Variants in DGKG observed in about 807,000 individuals in gnomAD.
DGKG encodes the protein diacylglycerol kinase gamma, also known as DAG kinase gamma.
DGKG carries 78 observed loss-of-function variants against 105.3 expected under a neutral mutation model. The observed-to-expected ratio is 0.74, with a 90% CI of 0.62 to 0.89. The LOEUF (loss-of-function observed/expected upper bound fraction) is 0.89, where lower values mean the gene tolerates loss of function less well. Ranked by LOEUF, DGKG falls within the 40% of genes least tolerant of loss-of-function variation. The probability of loss-of-function intolerance (pLI) is 0.00; values close to 1 mark genes in which losing one functional copy is unlikely to be tolerated. For synonymous variants in DGKG, 346 were observed against 367.1 expected (o/e 0.94, Z 0.66); for missense variants, 958 against 1,020.1 (o/e 0.94, Z 0.83).
chr3:186,159,505 G>T (rs1452179526), intron 24 of DGKG: 1 of 151,968 alleles, frequency 6.6e-6, no homozygotes, highest in African/African-American at 2.4e-5. Context: ...ATGATTTTTT[G>T]CCATTTGCAT....
rs1721306452 is a variant in DGKG, at chr3:186,253,178, C to T, written c.1515G>A (p.Lys505=). The stretch of plus-strand genomic sequence containing the variant: ...CTGGTGGATGCTTTGCAAAGTTGGC[C>T]TTATCTGCAAGACACACAGAGGAAC... The part of the protein sequence containing the change: ...TVGWILDCID[K]ANFAKHPPVA... The change falls in exon 18 of 25, where the codon AAG becomes AAA. Residue 505 remains lysine, a synonymous_variant. Coordinates refer to ENST00000265022, the MANE Select transcript of DGKG (RefSeq NM_001346.3). 1 of 1,613,950 alleles carries T rather than the reference C, an allele frequency of 6.2e-7. No individual in the cohort carries two copies. The highest frequency in any genetic ancestry group is 1.7e-5 in the Admixed American group (1 of 60,018).
At chr3:186,336,257 C>G (rs1725828861) in intron 1 of DGKG, among the ~76,000 whole-genome samples, 1 of 152,156 alleles carries the variant, frequency 6.6e-6, no homozygotes, top group South Asian at 2.1e-4. Flanking sequence ...CAAGCGTACT[C>G]CCTAATAAAA....
chr3:186,209,150 G>C (rs1429893660), intron 21 of DGKG, among the ~76,000 whole-genome samples: 1 of 140,584 alleles, frequency 7.1e-6, no homozygotes, highest in Non-Finnish European at 1.5e-5. Flanking sequence ...GCGCAGGCTG[G>C]AGTGCAGTGG....
chr3:186,360,522 A>G (rs1364654821), intron 1 of DGKG, among the ~76,000 whole-genome samples: 1 of 152,076 alleles, frequency 6.6e-6, no homozygotes, highest in African/African-American at 2.4e-5. Context: ...TTTTAATATG[A>G]CAAACAGTTA....
At chr3:186,245,709 C>G (rs183077222) in intron 19 of DGKG, among the ~76,000 whole-genome samples, 10 of 152,290 alleles carry the variant, frequency 6.6e-5, no homozygotes, top group Admixed American at 5.2e-4. Flanking sequence ...CATAGAGCCT[C>G]TTTCCTGAAC....
intron 19 of DGKG, among the ~76,000 whole-genome samples, chr3:186,248,436 T>C (rs1268569540): frequency 6.6e-6 from 1 of 152,238 alleles, no homozygotes; most frequent in Non-Finnish European, 1.5e-5. Flanking sequence ...CCGGCTTCCA[T>C]GCCAGCGAAG....
At chr3:186,348,600 C>T (rs1578866336) in intron 1 of DGKG, among the ~76,000 whole-genome samples, 1 of 151,812 alleles carries the variant, frequency 6.6e-6, no homozygotes, top group Non-Finnish European at 1.5e-5. Flanking sequence ...TCCAGGTGAA[C>T]ATCACCATTC....
chr3:186,263,885 A>G (rs976192081), intron 14 of DGKG, among the ~76,000 whole-genome samples: 121 of 152,312 alleles, frequency 7.9e-4, no homozygotes, highest in African/African-American at 2.8e-3. Context: ...TCCAGATCTC[A>G]AGCTAAAAGT....
At chr3:186,317,914 C>T (rs1578827217) in intron 2 of DGKG, among the ~76,000 whole-genome samples, 1 of 152,146 alleles carries the variant, frequency 6.6e-6, no homozygotes, top group East Asian at 1.9e-4. Context: ...AATCAACAAT[C>T]CCAAACATTC....
chr3:186,160,980 A>C, intron 24 of DGKG: 1 of 985,496 alleles, frequency 1.0e-6, no homozygotes, highest in Non-Finnish European at 1.2e-6. Flanking sequence ...TGCAACTATT[A>C]CAAACCAGGC....
intron 22 of DGKG, among the ~76,000 whole-genome samples, chr3:186,168,665 G>A (rs1401679739): frequency 6.6e-6 from 1 of 152,026 alleles, no homozygotes; most frequent in Non-Finnish European, 1.5e-5. Context: ...TGGCCAACAC[G>A]GTGAAACCCC....
intron 21 of DGKG, among the ~76,000 whole-genome samples, chr3:186,197,051 T>C (rs1718214500): frequency 6.6e-6 from 1 of 151,960 alleles, no homozygotes; most frequent in Non-Finnish European, 1.5e-5. Flanking sequence ...GGATGGGAAG[T>C]AGATAGAGGG....
chr3:186,201,286 C>T (rs1718447555), intron 21 of DGKG, among the ~76,000 whole-genome samples: 1 of 152,032 alleles, frequency 6.6e-6, no homozygotes, highest in Admixed American at 6.5e-5. Flanking sequence ...TCACACTTTC[C>T]TGCAGACAAA....
chr3:186,263,492 G>A (rs1249257481), intron 14 of DGKG, among the ~76,000 whole-genome samples: 2 of 151,994 alleles, frequency 1.3e-5, no homozygotes, highest in African/African-American at 2.4e-5. Flanking sequence ...GCTTGAACCC[G>A]GGAGGCAAAG....
At chr3:186,247,977 TTTCCTTCCTTCCTCCCTTCCTTCC>T (rs1390343950) in intron 19 of DGKG, among the ~76,000 whole-genome samples, 8 of 152,022 alleles carry the variant, frequency 5.3e-5, no homozygotes, top group African/African-American at 1.9e-4. Flanking sequence ...TCCTTCCTTC[TTTCCTTCCTTCCTCCCTTCCTTCC>T]TTCCTTCCTC....
intron 20 of DGKG, among the ~76,000 whole-genome samples, chr3:186,217,140 G>A (rs1297117418): frequency 1.3e-5 from 2 of 152,180 alleles, no homozygotes; most frequent in South Asian, 2.1e-4. Flanking sequence ...CAGGGGTAAG[G>A]GTGGGTCTAC....
intron 22 of DGKG, among the ~76,000 whole-genome samples, chr3:186,178,293 G>A (rs1025460262): frequency 1.3e-5 from 2 of 152,234 alleles, no homozygotes; most frequent in Non-Finnish European, 1.5e-5. Context: ...GCTGTGCAGA[G>A]CATGTGGCCA....
chr3:186,310,216 G>A (rs1402771581), intron 2 of DGKG, among the ~76,000 whole-genome samples: 7 of 123,946 alleles, frequency 5.6e-5, no homozygotes, highest in South Asian at 5.5e-4. Context: ...GCAATGAGCC[G>A]AGACCGCACC....
rs569503062 is a variant in DGKG, at chr3:186,361,928, C to T, written c.-249+18G>A. 2.8e-3 allele frequency: 430 copies of T among 152,630 alleles called. 2 individuals carry two copies. The highest frequency in any genetic ancestry group is 4.9e-3 in the Non-Finnish European group (338 of 68,296). The allele number at this position is 152,630 out of a possible 1,614,324, so 9.5% of individuals were successfully genotyped here. ...CCTGAGCCGGGGACCCCCTCCGCCG[C>T]GCCGGCCGCCGTCTTACCTCACCAG... On this transcript the variant is annotated intron_variant, in intron 1 of 24. Coordinates refer to ENST00000265022, the MANE Select transcript of DGKG (RefSeq NM_001346.3). This position sits in a 1 kb window ranked among gnomAD's most constrained non-coding sequence, Gnocchi z 6.8.
Sources: gnomAD v4.1 joint callset for allele counts (sites outside exome capture counted in the v4.1 genomes callset) on GRCh38, gnomAD v4.1.1 for gene constraint, Gnocchi (gnomAD v3.1) non-coding constraint, MANE v1.5 for transcripts, NCBI Gene and HGNC (gene_info 2026-07-23, HGNC 2026-07-21) for gene names.